Variants in CHM observed in about 807,000 individuals in gnomAD.
CHM encodes CHM Rab escort protein.
A neutral mutation model predicts 49.0 loss-of-function variants in CHM; 10 were observed. The observed-to-expected ratio is 0.20, with a 90% CI of 0.13 to 0.35. The LOEUF is 0.35. Ranked by LOEUF, CHM falls within the 10% of genes least tolerant of loss-of-function variation. CHM has a pLI of 1.00. For synonymous variants in CHM, 184 were observed against 167.5 expected (o/e 1.10, Z -0.76); for missense variants, 455 against 478.4 (o/e 0.95, Z 0.46).
chrX:85,939,370 T>C (rs1928971262), intron 8 of CHM, among the ~76,000 whole-genome samples: 1 of 112,490 alleles, frequency 8.9e-6, no homozygotes, highest in Admixed American at 9.5e-5. Flanking sequence ...CAAAAAATAA[T>C]ACTTATGTTA....
At chrX:86,012,377 T>C (rs1933114060) in intron 2 of CHM, among the ~76,000 whole-genome samples, 1 of 112,022 alleles carries the variant, frequency 8.9e-6, no homozygotes, top group Non-Finnish European at 1.9e-5. Flanking sequence ...CTGGTGGCCA[T>C]CAAACAGGCC....
chrX:85,902,007 G>A (rs1302167169), intron 9 of CHM, among the ~76,000 whole-genome samples: 1 of 111,499 alleles, frequency 9.0e-6, no homozygotes, highest in Non-Finnish European at 1.9e-5. Flanking sequence ...ATGGACTAAG[G>A]GCAACATCCT....
At chrX:85,960,580 C>T (rs1031102828) in intron 5 of CHM, among the ~76,000 whole-genome samples, 3 of 110,240 alleles carry the variant, frequency 2.7e-5, no homozygotes, top group South Asian at 4.0e-4. Context: ...TGCAATGCCA[C>T]GCCCAGCTAA....
intron 4 of CHM, among the ~76,000 whole-genome samples, chrX:85,964,325 G>C (rs1375310853): frequency 9.0e-6 from 1 of 110,690 alleles, no homozygotes; most frequent in Non-Finnish European, 1.9e-5. Flanking sequence ...AACAGATCTT[G>C]GTTCAAACCC....
intron 4 of CHM, among the ~76,000 whole-genome samples, chrX:85,978,127 A>T (rs1931382250): frequency 8.9e-6 from 1 of 112,001 alleles, no homozygotes; most frequent in African/African-American, 3.2e-5. Context: ...ATATCATTTG[A>T]AAAAGTATAC....
intron 3 of CHM, 150 bp downstream of exon 3, chrX:85,981,587 G>A (rs1931616025): frequency 2.2e-6 from 1 of 455,469 alleles, no homozygotes; most frequent in African/African-American, 2.5e-5. Flanking sequence ...AGCTAAAAAG[G>A]TGACTTTACA....
At chrX:85,942,161 A>T (rs1489935008) in intron 8 of CHM, among the ~76,000 whole-genome samples, 1 of 110,442 alleles carries the variant, frequency 9.1e-6, no homozygotes, top group Non-Finnish European at 1.9e-5. Flanking sequence ...TTTCTGTCCC[A>T]TATGACTAAG....
chrX:86,007,541 A>G (rs1173287975), intron 2 of CHM, among the ~76,000 whole-genome samples: 3 of 112,218 alleles, frequency 2.7e-5, no homozygotes, highest in Non-Finnish European at 1.9e-5. Flanking sequence ...CAGAATCTAC[A>G]AAGAACTCAA....
At chrX:86,008,177 T>C (rs1932907116) in intron 2 of CHM, among the ~76,000 whole-genome samples, 1 of 111,687 alleles carries the variant, frequency 9.0e-6, no homozygotes, top group Non-Finnish European at 1.9e-5. Context: ...AAACATGACA[T>C]GTTCTCACTC....
intron 4 of CHM, among the ~76,000 whole-genome samples, chrX:85,972,826 G>C (rs1931020437): frequency 8.9e-6 from 1 of 112,377 alleles, no homozygotes; most frequent in Non-Finnish European, 1.9e-5. Flanking sequence ...GCGGGCCGAA[G>C]GGCTCCTCAA....
Position 85,935,761 on chromosome X carries a change from T to C in CHM, c.1166+20392A>G, listed in dbSNP as rs184750781. ...GTAAAAATATTTGTCAAAACTTTCA[T>C]ACTATTTTATTATATTAAGCAAGCG... On this transcript the variant is annotated intron_variant, in intron 8 of 14. Transcript: ENST00000357749. 8.0e-5 allele frequency among the ~76,000 whole-genome samples: 9 copies of C among 112,220 alleles called. No individual in the cohort carries two copies. In the East Asian group the frequency reaches 2.0e-3, roughly 25 times the overall value.
chrX:85,975,842 C>T (rs915268017), intron 4 of CHM, among the ~76,000 whole-genome samples: 32 of 112,150 alleles, frequency 2.9e-4, no homozygotes, highest in Non-Finnish European at 5.6e-4. Context: ...ATTAGCATCA[C>T]TAACACATAT....
chrX:86,022,373 C>A (rs1011491139), intron 2 of CHM, among the ~76,000 whole-genome samples: 7 of 111,095 alleles, frequency 6.3e-5, no homozygotes, highest in Non-Finnish European at 1.3e-4. Flanking sequence ...AATCCTGGCC[C>A]AGAGCAGGAA....
intron 2 of CHM, chrX:86,027,183 G>C (rs1933862454): frequency 3.5e-6 from 1 of 285,806 alleles, no homozygotes; most frequent in African/African-American, 2.7e-5. Context: ...AAAAGGGGCA[G>C]GCATGAGGTT....
intron 8 of CHM, among the ~76,000 whole-genome samples, chrX:85,955,144 C>CA (rs1929948205): frequency 9.0e-6 from 1 of 111,121 alleles, no homozygotes. Context: ...TTAATAGGTA[C>CA]AAAACGTAGT....
At chrX:85,933,383 A>G (rs949898435) in intron 8 of CHM, among the ~76,000 whole-genome samples, 4 of 111,809 alleles carry the variant, frequency 3.6e-5, no homozygotes, top group African/African-American at 1.3e-4. Context: ...AATCCTCATA[A>G]TAACCCCATG....
chrX:85,868,774 T>C (rs5967640), intron 14 of CHM, among the ~76,000 whole-genome samples: 4,187 of 111,101 alleles, frequency 0.038, 169 homozygotes, highest in African/African-American at 0.12. Context: ...AAATTCTGTT[T>C]ATTCCATTTT....
rs1934271947 is a variant in CHM at position 86,036,973 on chromosome X, CG to C, written c.50-9417del. ...CCATTGTAAAAAGCTTAAAAATGGACGTAGCATCCTGTTTTTTATCTAAATG... is the reference window on the plus strand; with the variant it reads ...CCATTGTAAAAAGCTTAAAAATGGACTAGCATCCTGTTTTTTATCTAAATG... On this transcript the variant is annotated intron_variant, in intron 1 of 14. Transcript: ENST00000357749. 3.6e-5 allele frequency among the ~76,000 whole-genome samples: 4 copies of C among 111,278 alleles called. No homozygotes were observed. The Admixed American group carries it at 3.8e-4, about 11-fold the overall frequency.
At chrX:85,958,276 CA>C (rs780014994) in intron 6 of CHM, among the ~76,000 whole-genome samples, 2 of 110,433 alleles carry the variant, frequency 1.8e-5, no homozygotes, top group East Asian at 5.7e-4. Context: ...TCCCTATGTA[CA>C]TGTTAGTACA....
Sources: gnomAD v4.1 joint callset for allele counts (sites outside exome capture counted in the v4.1 genomes callset) on GRCh38, gnomAD v4.1.1 for gene constraint, MANE v1.5 for transcripts, NCBI Gene and HGNC (gene_info 2026-07-23, HGNC 2026-07-21) for gene names.